Variants in ACP3 observed in about 807,000 individuals in gnomAD.
ACP3 encodes the protein prostatic acid phosphatase.
ACP3 carries 38 observed loss-of-function variants against 45.6 expected under a neutral mutation model. The ratio of observed to expected loss-of-function variants is 0.83; its 90% CI spans 0.64 to 1.09. ACP3 has a LOEUF of 1.09. Among genes scored for constraint, ACP3 ranks in the 50% least tolerant of loss-of-function variants. The pLI, the probability that ACP3 is intolerant of heterozygous loss-of-function variation, is 0.00. For synonymous variants in ACP3, 162 were observed against 164.7 expected, an observed-to-expected ratio of 0.98 and a Z score of 0.13; for missense variants, 466 against 463.2, an observed-to-expected ratio of 1.01 and a Z score of -0.05.
At chr3:132,349,510 C>G (rs1483080959) in intron 7 of ACP3, among the ~76,000 whole-genome samples, 1 of 152,168 alleles carries the variant, frequency 6.6e-6, no homozygotes, top group Non-Finnish European at 1.5e-5. Flanking sequence ...CAGGTCTGCT[C>G]TGGAGAAGAA....
At chr3:132,364,630 T>G (rs1938099683) in intron 10 of ACP3, among the ~76,000 whole-genome samples, 1 of 152,228 alleles carries the variant, frequency 6.6e-6, no homozygotes, top group South Asian at 2.1e-4. Flanking sequence ...TTTTAGTAGT[T>G]ATCACAGTAT....
intron 8 of ACP3, among the ~76,000 whole-genome samples, chr3:132,350,725 C>G (rs1293526475): frequency 1.3e-5 from 2 of 152,064 alleles, no homozygotes; most frequent in Admixed American, 1.3e-4. Flanking sequence ...GCCATGTTGT[C>G]CTGCTGCTTC....
chr3:132,354,865 T>G (rs9790213), intron 9 of ACP3, among the ~76,000 whole-genome samples: 50,883 of 151,996 alleles, frequency 0.33, 8,958 homozygotes, highest in Middle Eastern at 0.5. Flanking sequence ...AAACTCTTTG[T>G]ACTCATCTTT....
At chr3:132,331,087 G>A (rs1229586240) in intron 2 of ACP3, among the ~76,000 whole-genome samples, 2 of 152,156 alleles carry the variant, frequency 1.3e-5, no homozygotes, top group African/African-American at 4.8e-5. Context: ...GTAGGTCAAG[G>A]GTGGGGCCCA....
In ACP3 at chr3:132,358,033, CAATA is replaced by C. The variant is rs370635160; in HGVS notation, c.*1198_*1201del. 0.051 allele frequency: 6,462 copies of C among 127,230 alleles called. 345 individuals are homozygous for C. Among genetic ancestry groups the C allele is most frequent in the African/African-American group, 0.14 (4,703 of 34,382 alleles). The allele number at this position is 127,230 out of a possible 1,614,324, so 7.9% of individuals were successfully genotyped here. On this transcript the variant is annotated 3_prime_UTR_variant, in exon 10 of 10. Coordinates refer to ENST00000336375, the MANE Select transcript of ACP3 (RefSeq NM_001099.5). Reference sequence around the variant, plus strand: ...AGGGCAAGAGAGCGAGACCCTGTCTCAATAAATAAATAAATAAATAAATAAATAA... The same window carrying C: ...AGGGCAAGAGAGCGAGACCCTGTCTCAATAAATAAATAAATAAATAAATAA...
At chr3:132,331,793 A>C (rs530666130) in intron 3 of ACP3, 60 bp downstream of exon 3, 7 of 1,403,666 alleles carry the variant, frequency 5.0e-6, no homozygotes, top group Non-Finnish European at 6.9e-6. Flanking sequence ...ATAATTCTGC[A>C]TATATAAAAG....
At chr3:132,319,101 G>T (rs1937159596) in intron 1 of ACP3, among the ~76,000 whole-genome samples, 1 of 152,184 alleles carries the variant, frequency 6.6e-6, no homozygotes, top group African/African-American at 2.4e-5. Context: ...CAAAGCCAGT[G>T]TTAACTATTT....
Position 132,357,410 on chromosome 3 carries a change from T to C in ACP3, c.*532T>C. The stretch of plus-strand genomic sequence containing the variant: ...GGAGAGGCAAAGAAAGGAGATACAG[T>C]GGAGACATCTGGAAAGTTTTCTCCA... On this transcript the variant is annotated 3_prime_UTR_variant, in exon 10 of 10. Transcript: ENST00000336375. 1 of 985,356 alleles carries C rather than the reference T, an allele frequency of 1.0e-6. No homozygotes were observed. Among genetic ancestry groups the C allele is most frequent in the Non-Finnish European group, 1.2e-6 (1 of 829,902 alleles). The allele number at this position is 985,356 out of a possible 1,614,324, so 61.0% of individuals were successfully genotyped here.
intron 6 of ACP3, 125 bp from the exon 7 acceptor site, chr3:132,344,802 A>T: frequency 1.8e-6 from 2 of 1,116,396 alleles, no homozygotes; most frequent in East Asian, 2.5e-5. Flanking sequence ...AAGTTCTTTT[A>T]GAAAGAAATG....
chr3:132,322,789 T>G (rs1031450618), intron 1 of ACP3, among the ~76,000 whole-genome samples: 3 of 152,230 alleles, frequency 2.0e-5, no homozygotes, highest in Admixed American at 1.3e-4. Context: ...TGTAACAGCC[T>G]TAAGAGGTGG....
Position 132,358,205 on chromosome 3 carries a change from A to G in ACP3, c.*1327A>G. On this transcript the variant is annotated 3_prime_UTR_variant, in exon 10 of 10. Coordinates refer to ENST00000336375, the MANE Select transcript of ACP3 (RefSeq NM_001099.5). ...TGGTGTGTTCAAGACCAGCCTGGTCAACATAGTGAGACACTGTCTCTACCA... is the reference window on the plus strand; with the variant it reads ...TGGTGTGTTCAAGACCAGCCTGGTCGACATAGTGAGACACTGTCTCTACCA... 1.9e-6 allele frequency: 2 copies of G among 1,073,602 alleles called. No homozygotes were observed. The highest frequency in any genetic ancestry group is 2.3e-6 in the Non-Finnish European group (2 of 872,836). 66.5% of individuals were successfully genotyped at this position (1,073,602 alleles called of 1,614,324 possible). A position where few individuals can be genotyped will look rare whatever the true frequency, so the allele number is the denominator to read the frequency against.
downstream of ACP3, among the ~76,000 whole-genome samples, chr3:132,360,436 C>T (rs115024225): frequency 6.6e-6 from 1 of 152,036 alleles, no homozygotes; most frequent in Non-Finnish European, 1.5e-5. Context: ...TGCAACCCTA[C>T]TCCTTAGAGT....
At chr3:132,337,694 G>T in intron 5 of ACP3, 140 bp downstream of exon 5, 1 of 541,480 alleles carries the variant, frequency 1.8e-6, no homozygotes, top group Non-Finnish European at 3.3e-6. Flanking sequence ...ACAGCAATGG[G>T]TTAGAATATT....
At chr3:132,353,944 C>A (rs1937818688) in intron 9 of ACP3, among the ~76,000 whole-genome samples, 1 of 152,192 alleles carries the variant, frequency 6.6e-6, no homozygotes, top group South Asian at 2.1e-4. Context: ...TAGATACATT[C>A]TTTATTGAAC....
intron 1 of ACP3, among the ~76,000 whole-genome samples, chr3:132,325,372 T>C (rs914041380): frequency 2.6e-5 from 4 of 152,246 alleles, no homozygotes; most frequent in African/African-American, 7.2e-5. Context: ...CAATTATTTC[T>C]GAACTATGGG....
At chr3:132,355,471 C>CTTATTTTATTTTATCTTATT (rs56051589) in intron 9 of ACP3, among the ~76,000 whole-genome samples, 67,812 of 145,542 alleles carry the variant, frequency 0.47, 16,805 homozygotes, top group Middle Eastern at 0.65. Flanking sequence ...TTATAGACAT[C>CTTATTTTATTTTATCTTATT]TTATTTTATT....
At chr3:132,366,110 G>A (rs1037739470) in intron 10 of ACP3, among the ~76,000 whole-genome samples, 5 of 152,006 alleles carry the variant, frequency 3.3e-5, no homozygotes, top group African/African-American at 1.2e-4. Flanking sequence ...AGACCAGCCC[G>A]GGCAACATGA....
chr3:132,329,854 A>G (rs919139613), intron 2 of ACP3, among the ~76,000 whole-genome samples: 12 of 151,542 alleles, frequency 7.9e-5, no homozygotes, highest in Non-Finnish European at 1.2e-4. Context: ...GCACTGGTAC[A>G]TGGACCACAT....
At chr3:132,367,979 A>G in exon 11 of ACP3, 1 of 632,596 alleles carries the variant, frequency 1.6e-6, no homozygotes, top group Non-Finnish European at 2.8e-6. Flanking sequence ...AGTGACCCAC[A>G]GGCTGCTGCT....
Sources: gnomAD v4.1 joint callset for allele counts (sites outside exome capture counted in the v4.1 genomes callset) on GRCh38, gnomAD v4.1.1 for gene constraint, MANE v1.5 for transcripts, NCBI Gene and HGNC (gene_info 2026-07-23, HGNC 2026-07-21) for gene names.